Variants in NPY5R observed in about 807,000 individuals in gnomAD.
NPY5R encodes neuropeptide Y receptor type 5.
A neutral mutation model predicts 24.8 loss-of-function variants in NPY5R; 21 were observed. That is an observed-to-expected ratio of 0.85 (90% CI 0.60 to 1.22). NPY5R has a LOEUF of 1.22. NPY5R is among the 50% of genes most tolerant of loss of function. The pLI, the probability that NPY5R is intolerant of heterozygous loss-of-function variation, is 0.00. For missense variants in NPY5R, 481 were observed against 521.3 expected, an observed-to-expected ratio of 0.92 and a Z score of 0.75; for synonymous variants, 175 against 183.0, an observed-to-expected ratio of 0.96 and a Z score of 0.35.
Position 163,351,883 on chromosome 4 carries a change from A to T in NPY5R, c.*272A>T. ...TTACCTTCCACTTCCATGTTGTCTT[A>T]TAAACAAATGAATTGTATTTTTTGT... On this transcript the variant is annotated 3_prime_UTR_variant, in exon 4 of 4. Coordinates refer to ENST00000338566, the MANE Select transcript of NPY5R (RefSeq NM_006174.4). The T allele has an allele frequency of 4.1e-6, 1 of 242,106 alleles. No homozygotes were observed. The highest frequency in any genetic ancestry group is 8.5e-6 in the Non-Finnish European group (1 of 117,654). The allele number at this position is 242,106 out of a possible 1,614,324, so 15.0% of individuals were successfully genotyped here. A position where few individuals can be genotyped will look rare whatever the true frequency, so the allele number is the denominator to read the frequency against.
chr4:163,350,676 A>G lies in NPY5R; in HGVS notation c.403A>G (p.Ile135Val). 2 of 1,613,968 alleles carry G rather than the reference A, an allele frequency of 1.2e-6. No homozygotes were observed. The highest frequency in any genetic ancestry group is 1.3e-5 in the African/African-American group (1 of 75,042). Reference sequence around the variant, plus strand: ...GGTTTCAACTTTAATTTTAATATCAATTGCCATTGTCAGGTATCATATGAT... The same window carrying G: ...GGTTTCAACTTTAATTTTAATATCAGTTGCCATTGTCAGGTATCATATGAT... ...VLVSTLILISIAIVRYHMIKH... is the reference protein window; with the variant it reads ...VLVSTLILISVAIVRYHMIKH... The change falls in exon 4 of 4, where the codon ATT becomes GTT. Residue 135 changes from isoleucine to valine, a missense_variant. Coordinates refer to ENST00000338566, the MANE Select transcript of NPY5R (RefSeq NM_006174.4).
intron 2 of NPY5R, among the ~76,000 whole-genome samples, chr4:163,347,229 TATAATAG>T (rs1735290337): frequency 6.6e-6 from 1 of 152,226 alleles, no homozygotes; most frequent in Non-Finnish European, 1.5e-5. Flanking sequence ...TCCATTCGAA[TATAATAG>T]AGAGGTCTAA....
chr4:163,348,378 C>T (rs1212880837), intron 3 of NPY5R, among the ~76,000 whole-genome samples: 1 of 152,078 alleles, frequency 6.6e-6, no homozygotes, highest in East Asian at 1.9e-4. Flanking sequence ...CCTATAATCC[C>T]AACAGTTTGG....
At chr4:163,349,294 G>A in intron 3 of NPY5R, 1 of 943,068 alleles carries the variant, frequency 1.1e-6, no homozygotes, top group Non-Finnish European at 1.3e-6. Flanking sequence ...TTTAATACCT[G>A]CAGTGATGAA....
chr4:163,345,110 T>C (rs1409690237), intron 1 of NPY5R: 4 of 152,336 alleles, frequency 2.6e-5, no homozygotes, highest in African/African-American at 9.6e-5. Context: ...TGTGTGATTG[T>C]CATCCTTTGT....
chr4:163,350,206 TTAAAG>T, intron 3 of NPY5R, 54 bp from the exon 4 acceptor site: 2 of 1,284,908 alleles, frequency 1.6e-6, no homozygotes, highest in Middle Eastern at 3.9e-4. Context: ...ATAGATTAAT[TTAAAG>T]TAGTCATGTA....
Position 163,349,991 on chromosome 4 carries a change from C to T in NPY5R, c.-9-274C>T, listed in dbSNP as rs560493689. ...CAGTGGCGGGCGCCTGTAGTCCCAGCTACTCGGGAGGCTGAGGCAGGAGAA... is the reference window on the plus strand; with the variant it reads ...CAGTGGCGGGCGCCTGTAGTCCCAGTTACTCGGGAGGCTGAGGCAGGAGAA... On this transcript the variant is annotated intron_variant, in intron 3 of 3. Coordinates refer to ENST00000338566, the MANE Select transcript of NPY5R (RefSeq NM_006174.4). 6.7e-3 allele frequency among the ~76,000 whole-genome samples: 1,017 copies of T among 151,204 alleles called. 3 individuals are homozygous for T. The highest frequency in any genetic ancestry group is 0.014 in the Middle Eastern group (4 of 290).
In NPY5R at chr4:163,350,345, T is replaced by G. The variant is rs945935121; in HGVS notation, c.72T>G (p.Asn24Lys). 1.2e-6 allele frequency: 2 copies of G among 1,611,516 alleles called. No homozygotes were observed. The highest frequency in any genetic ancestry group is 2.2e-5 in the South Asian group (2 of 90,996). ...AGAATAATACTGCTGCCACTCGGAA[T>G]TCTGATTTCCCAGTCTGGGATGACT... ...ATENNTAATR[N>K]SDFPVWDDYK... Residue 24 changes from asparagine (N) to lysine (K), a missense_variant, in exon 4 of 4, where the codon AAT (asparagine) becomes AAG (lysine). Physicochemically the swap from Asn to Lys is moderately conservative, Grantham distance 94. Transcript: ENST00000338566.
In NPY5R at chr4:163,350,866, G is replaced by A; in HGVS notation, c.593G>A (p.Cys198Tyr). ...GSALLSSRYLCVESWPSDSYR... is the reference protein window; with the variant it reads ...GSALLSSRYLYVESWPSDSYR... Reference sequence around the variant, plus strand: ...GCATTGCTGAGCAGCAGGTATTTATGTGTTGAGTCATGGCCATCTGATTCA... The same window carrying A: ...GCATTGCTGAGCAGCAGGTATTTATATGTTGAGTCATGGCCATCTGATTCA... The change falls in exon 4 of 4, where the codon TGT (cysteine) becomes TAT (tyrosine). Residue 198 changes from cysteine (C) to tyrosine (Y), a missense_variant. Coordinates refer to ENST00000338566, the MANE Select transcript of NPY5R (RefSeq NM_006174.4). 1.2e-6 allele frequency: 2 copies of A among 1,614,190 alleles called. No individual in the cohort carries two copies. Among genetic ancestry groups the A allele is most frequent in the South Asian group, 2.2e-5 (2 of 91,080 alleles).
At chr4:163,348,818 A>T (rs1735361644) in intron 3 of NPY5R, among the ~76,000 whole-genome samples, 2 of 152,164 alleles carry the variant, frequency 1.3e-5, no homozygotes, top group East Asian at 3.8e-4. Context: ...GTATGACATT[A>T]ATTTAATTTG....
At chr4:163,346,173 TAA>T (rs1342035771) in intron 2 of NPY5R, among the ~76,000 whole-genome samples, 9 of 152,302 alleles carry the variant, frequency 5.9e-5, no homozygotes, top group East Asian at 1.9e-4. Context: ...GAATGAATGC[TAA>T]GAGAGAATTT....
At chr4:163,349,437 T>C in intron 3 of NPY5R, 1 of 292,678 alleles carries the variant, frequency 3.4e-6, no homozygotes, top group Non-Finnish European at 5.1e-6. Context: ...ATATGTAGCA[T>C]CAGACAACTG....
chr4:163,344,356 CGAA>C (rs955590354), intron 1 of NPY5R: 26 of 152,300 alleles, frequency 1.7e-4, no homozygotes, highest in East Asian at 5.8e-4. Flanking sequence ...CGGGGATCCG[CGAA>C]GGAGCCTCCT....
rs773152847 is a variant in NPY5R, at chr4:163,350,965, A to G, written c.692A>G (p.His231Arg). The change falls in exon 4 of 4, where the codon CAT becomes CGT. Residue 231 changes from histidine (H) to arginine (R), a missense_variant. Coordinates refer to ENST00000338566, the MANE Select transcript of NPY5R (RefSeq NM_006174.4). The stretch of plus-strand genomic sequence containing the variant: ...CCCTTAGTTTGTCTTACTGTAAGTC[A>G]TACAAGTGTCTGCAGAAGTATAAGC... ...ILPLVCLTVS[H>R]TSVCRSISCG... The G allele has an allele frequency of 6.2e-7, 1 of 1,613,982 alleles. No homozygotes were observed.
Position 163,351,217 on chromosome 4 carries a change from A to G in NPY5R, c.944A>G (p.Asn315Ser). 6.2e-7 allele frequency: 1 copy of G among 1,614,126 alleles called. No homozygotes were observed. Among genetic ancestry groups the G allele is most frequent in the Non-Finnish European group, 8.5e-7 (1 of 1,179,998 alleles). ...AACCACTCCAGAATACTTCCAGAAAACTTTGGCTCTGTAAGAAGTCAGCTC... is the reference window on the plus strand; with the variant it reads ...AACCACTCCAGAATACTTCCAGAAAGCTTTGGCTCTGTAAGAAGTCAGCTC... ...QENHSRILPE[N>S]FGSVRSQLSS... The change falls in exon 4 of 4, where the codon AAC (asparagine) becomes AGC (serine). Residue 315 changes from asparagine to serine, a missense_variant. Coordinates refer to ENST00000338566, the MANE Select transcript of NPY5R (RefSeq NM_006174.4).
intron 1 of NPY5R, chr4:163,345,133 G>A (rs1201432195): frequency 2.0e-5 from 3 of 152,180 alleles, no homozygotes; most frequent in Non-Finnish European, 2.9e-5. Flanking sequence ...AAAGAATGAT[G>A]TGTATTTTCA....
chr4:163,350,712 A>G lies in NPY5R; in HGVS notation c.439A>G (p.Ile147Val). ...IVRYHMIKHP[I>V]SNNLTANHGY... ...CAGGTATCATATGATAAAACATCCC[A>G]TATCTAATAATTTAACAGCAAACCA... The change falls in exon 4 of 4, where the codon ATA (isoleucine) becomes GTA (valine). Residue 147 changes from isoleucine (I) to valine (V), a missense_variant. Transcript: ENST00000338566. 1.2e-6 allele frequency: 2 copies of G among 1,614,090 alleles called. No homozygotes were observed. Among genetic ancestry groups the G allele is most frequent in the Non-Finnish European group, 1.7e-6 (2 of 1,179,970 alleles).
chr4:163,347,781 G>A lies in NPY5R; in HGVS notation c.-10+259G>A, dbSNP rs561901583. Among the ~76,000 whole-genome samples the A allele has an allele frequency of 2.0e-5, 3 of 152,284 alleles. No individual in the cohort carries two copies. The East Asian group carries it at 5.8e-4, about 29-fold the overall frequency. On this transcript the variant is annotated intron_variant, in intron 3 of 3. Coordinates refer to ENST00000338566, the MANE Select transcript of NPY5R (RefSeq NM_006174.4). Reference sequence around the variant, plus strand: ...GTCATGCGAGTCACTTTTGTACCAGGTGTTCTTTGTCATTGAGGCAATATC... The same window carrying A: ...GTCATGCGAGTCACTTTTGTACCAGATGTTCTTTGTCATTGAGGCAATATC...
At chr4:163,349,832 C>T (rs1735400538) in intron 3 of NPY5R, among the ~76,000 whole-genome samples, 1 of 152,108 alleles carries the variant, frequency 6.6e-6, no homozygotes, top group African/African-American at 2.4e-5. Flanking sequence ...CATAAACTTT[C>T]TGGGCTGGGC....
Sources: gnomAD v4.1 joint callset for allele counts (sites outside exome capture counted in the v4.1 genomes callset) on GRCh38, gnomAD v4.1.1 for gene constraint, MANE v1.5 for transcripts, NCBI Gene and HGNC (gene_info 2026-07-23, HGNC 2026-07-21) for gene names.